THSD7B: variants seen among roughly 807,000 people sequenced by gnomAD.
THSD7B encodes thrombospondin type-1 domain-containing protein 7B.
THSD7B carries 138 observed loss-of-function variants against 213.6 expected under a neutral mutation model. That is an observed-to-expected ratio of 0.65 (90% CI 0.56 to 0.74). The LOEUF is 0.74. Ranked by LOEUF, THSD7B falls within the 30% of genes least tolerant of loss-of-function variation. The probability of loss-of-function intolerance (pLI) is 0.00; values close to 1 mark genes in which losing one functional copy is unlikely to be tolerated. For missense variants in THSD7B, 1,931 were observed against 1,991.5 expected, an observed-to-expected ratio of 0.97 and a Z score of 0.58; for synonymous variants, 742 against 687.0, an observed-to-expected ratio of 1.08 and a Z score of -1.25.
chr2:137,159,995 C>T lies in THSD7B; in HGVS notation c.1370-218C>T, dbSNP rs147414691. Among the ~76,000 whole-genome samples the T allele has an allele frequency of 4.8e-3, 725 of 152,322 alleles. 5 individuals carry two copies. The highest frequency in any genetic ancestry group is 0.014 in the African/African-American group (588 of 41,580). On this transcript the variant is annotated intron_variant, in intron 5 of 27. Transcript: ENST00000409968. Reference sequence around the variant, plus strand: ...TACCCTGCAAAGCAGGAATTTCAAGCGCATGCACTTTGCCTCTGTCTTCTT... The same window carrying T: ...TACCCTGCAAAGCAGGAATTTCAAGTGCATGCACTTTGCCTCTGTCTTCTT...
intron 10 of THSD7B, among the ~76,000 whole-genome samples, chr2:137,260,060 G>A (rs968550081): frequency 1.3e-5 from 2 of 152,042 alleles, no homozygotes; most frequent in East Asian, 1.9e-4. Context: ...GCTCCAAACC[G>A]TCTCCTGACT....
At chr2:137,345,475 C>T (rs1365816909) in intron 12 of THSD7B, among the ~76,000 whole-genome samples, 1 of 151,572 alleles carries the variant, frequency 6.6e-6, no homozygotes, top group East Asian at 1.9e-4. Context: ...TAGACATAGA[C>T]ATAGACGTCT....
At chr2:137,620,983 A>G (rs1035657250) in intron 20 of THSD7B, among the ~76,000 whole-genome samples, 3 of 152,252 alleles carry the variant, frequency 2.0e-5, no homozygotes, top group African/African-American at 7.2e-5. Context: ...TCAGAAGATC[A>G]TAAGCTCAAC....
chr2:137,226,524 A>G (rs1466847230), intron 7 of THSD7B, among the ~76,000 whole-genome samples: 1 of 151,800 alleles, frequency 6.6e-6, no homozygotes, highest in African/African-American at 2.4e-5. Context: ...AACTGAAAAA[A>G]AGAAACATTC....
intron 1 of THSD7B, among the ~76,000 whole-genome samples, chr2:136,831,526 G>C (rs1289740354): frequency 6.6e-6 from 1 of 152,144 alleles, no homozygotes; most frequent in Non-Finnish European, 1.5e-5. Flanking sequence ...ACACACTATT[G>C]TGTTTGATGC....
chr2:137,203,059 T>G (rs1680911916), intron 7 of THSD7B, among the ~76,000 whole-genome samples: 1 of 143,830 alleles, frequency 7.0e-6, no homozygotes, highest in Non-Finnish European at 1.5e-5. Context: ...AACAGTATTT[T>G]GTTTGGCTTT....
intron 1 of THSD7B, among the ~76,000 whole-genome samples, chr2:136,868,897 T>C (rs1683387404): frequency 6.6e-6 from 1 of 152,214 alleles, no homozygotes; most frequent in South Asian, 2.1e-4. Context: ...TTTCTTAAAA[T>C]ATCTACAGAA....
chr2:137,283,345 T>A (rs536432266), intron 12 of THSD7B, among the ~76,000 whole-genome samples: 5 of 151,980 alleles, frequency 3.3e-5, no homozygotes, highest in Middle Eastern at 3.4e-3. Flanking sequence ...TCGTGTCATC[T>A]GCAAACAATT....
intron 10 of THSD7B, among the ~76,000 whole-genome samples, chr2:137,255,157 C>T (rs1323002834): frequency 6.6e-6 from 1 of 152,006 alleles, no homozygotes; most frequent in South Asian, 2.1e-4. Context: ...TTCCTTCCAC[C>T]CAAAATCAGA....
intron 14 of THSD7B, 56 bp downstream of exon 14, chr2:137,411,928 T>C: frequency 6.3e-7 from 1 of 1,587,722 alleles, no homozygotes; most frequent in Non-Finnish European, 8.6e-7. Flanking sequence ...GCTCGGGAGG[T>C]TTGTCTCAGG....
intron 12 of THSD7B, among the ~76,000 whole-genome samples, chr2:137,380,465 A>C (rs571083574): frequency 6.6e-6 from 1 of 152,178 alleles, no homozygotes; most frequent in Non-Finnish European, 1.5e-5. Flanking sequence ...AAATGTTTTT[A>C]TCTTCATTTA....
Position 136,992,703 on chromosome 2 carries a change from G to T in THSD7B, c.140-63717G>T, listed in dbSNP as rs553415534. ...GTTGAAAACTGCCCTGTCCCTGGGG[G>T]TGTTAACAACTTGGAACTTCTGGCT... On this transcript the variant is annotated intron_variant, in intron 2 of 27. Coordinates refer to ENST00000409968, the MANE Select transcript of THSD7B (RefSeq NM_001316349.2). 5.3e-5 allele frequency among the ~76,000 whole-genome samples: 8 copies of T among 152,240 alleles called. No individual in the cohort carries two copies. In the East Asian group the frequency reaches 1.4e-3, roughly 26 times the overall value.
At chr2:137,054,945 C>T (rs559703568) in intron 2 of THSD7B, among the ~76,000 whole-genome samples, 6 of 152,152 alleles carry the variant, frequency 3.9e-5, no homozygotes, top group South Asian at 2.1e-4. Flanking sequence ...CCCCATACCA[C>T]GACAGGCCCT....
intron 17 of THSD7B, among the ~76,000 whole-genome samples, chr2:137,592,056 A>G (rs1179357400): frequency 6.6e-6 from 1 of 151,830 alleles, no homozygotes; most frequent in East Asian, 1.9e-4. Context: ...TATGCTATAA[A>G]AAGAAAGGAT....
intron 3 of THSD7B, among the ~76,000 whole-genome samples, chr2:137,069,296 C>A (rs1055992668): frequency 2.6e-5 from 4 of 152,094 alleles, no homozygotes; most frequent in African/African-American, 9.6e-5. Context: ...CTTCTCTCTT[C>A]AGTTTTAATT....
intron 5 of THSD7B, among the ~76,000 whole-genome samples, chr2:137,133,415 C>A (rs1688777135): frequency 6.6e-6 from 1 of 152,128 alleles, no homozygotes; most frequent in Non-Finnish European, 1.5e-5. Context: ...CTCTGCCATG[C>A]AGACAATGTA....
chr2:137,169,059 A>G (rs1021233953), intron 6 of THSD7B, among the ~76,000 whole-genome samples: 1 of 151,710 alleles, frequency 6.6e-6, no homozygotes, highest in African/African-American at 2.4e-5. Flanking sequence ...AACCATGTCA[A>G]TGCCATGAGA....
At chr2:137,135,850 A>G (rs567317224) in intron 5 of THSD7B, among the ~76,000 whole-genome samples, 160 of 86,040 alleles carry the variant, frequency 1.9e-3, no homozygotes, top group African/African-American at 6.2e-3. Flanking sequence ...ATGCTACACT[A>G]AAAAAAAAAC....
chr2:137,632,337 G>A (rs1022800124), intron 20 of THSD7B, among the ~76,000 whole-genome samples: 7 of 152,194 alleles, frequency 4.6e-5, no homozygotes, highest in Non-Finnish European at 8.8e-5. Flanking sequence ...TTCTTGCCTC[G>A]CAACTAATAA....
Sources: allele counts gnomAD v4.1 joint callset (sites outside exome capture counted in the v4.1 genomes callset), GRCh38; gene constraint gnomAD v4.1.1; transcripts MANE v1.5; gene names NCBI Gene and HGNC (gene_info 2026-07-23, HGNC 2026-07-21).